The following WWOX variants were observed in gnomAD, a reference collection of about 807,000 sequenced individuals.
The protein encoded by WWOX is WW domain containing oxidoreductase, also known as WW domain-containing oxidoreductase.
Under a neutral mutation model 46.2 loss-of-function variants are expected in WWOX, and 69 were observed. The ratio of observed to expected loss-of-function variants is 1.49; its 90% CI spans 1.23 to 1.82. The LOEUF (loss-of-function observed/expected upper bound fraction) is 1.82, where lower values mean the gene tolerates loss of function less well. Among genes scored for constraint, WWOX ranks in the 40% most tolerant of loss-of-function variants. The pLI, the probability that WWOX is intolerant of heterozygous loss-of-function variation, is 0.00. For missense variants in WWOX, 919 were observed against 542.6 expected, an observed-to-expected ratio of 1.69 and a Z score of -6.89; for synonymous variants, 359 against 202.6, an observed-to-expected ratio of 1.77 and a Z score of -6.56.
intron 8 of WWOX, among the ~76,000 whole-genome samples, chr16:79,112,372 G>C (rs968332825): frequency 4.6e-5 from 7 of 152,144 alleles, no homozygotes; most frequent in South Asian, 2.1e-4. Context: ...AAGAGCCAGA[G>C]AGTTGGGGAA....
At chr16:79,008,628 T>C (rs1021710894) in intron 8 of WWOX, among the ~76,000 whole-genome samples, 15 of 152,184 alleles carry the variant, frequency 9.9e-5, no homozygotes, top group African/African-American at 1.7e-4. Context: ...CCAAAGGCCA[T>C]GGAAGGACAG....
At chr16:79,154,520 A>G (rs2050343154) in intron 8 of WWOX, among the ~76,000 whole-genome samples, 1 of 150,090 alleles carries the variant, frequency 6.7e-6, no homozygotes, top group Non-Finnish European at 1.5e-5. Flanking sequence ...AAAAAAAAAA[A>G]GAGGTGAATT....
chr16:79,178,447 G>T (rs1417201320), intron 8 of WWOX, among the ~76,000 whole-genome samples: 2 of 152,044 alleles, frequency 1.3e-5, no homozygotes, highest in Non-Finnish European at 2.9e-5. Context: ...CACCCGAGTA[G>T]CTGGATGACA....
At chr16:78,683,995 T>A (rs1441875100) in intron 8 of WWOX, among the ~76,000 whole-genome samples, 1 of 152,168 alleles carries the variant, frequency 6.6e-6, no homozygotes, top group Non-Finnish European at 1.5e-5. Context: ...ACTGTGGCGT[T>A]CTCTTTTTCT....
intron 8 of WWOX, among the ~76,000 whole-genome samples, chr16:78,508,523 T>C (rs376390516): frequency 1.9e-4 from 29 of 152,168 alleles, no homozygotes; most frequent in Middle Eastern, 3.4e-3. Flanking sequence ...GGCCTTGATG[T>C]CGGAGTGTTC....
intron 4 of WWOX, among the ~76,000 whole-genome samples, chr16:78,161,290 C>G (rs1156838456): frequency 1.3e-5 from 2 of 152,198 alleles, no homozygotes; most frequent in African/African-American, 4.8e-5. Flanking sequence ...AATGTAATGA[C>G]AGATATATTT....
intron 8 of WWOX, among the ~76,000 whole-genome samples, chr16:78,570,477 T>A (rs1321334389): frequency 6.6e-6 from 1 of 152,080 alleles, no homozygotes; most frequent in Non-Finnish European, 1.5e-5. Context: ...CCTGCCTAAT[T>A]TTTTTTAATT....
intron 8 of WWOX, among the ~76,000 whole-genome samples, chr16:78,445,895 A>C (rs1203874712): frequency 8.5e-6 from 1 of 118,068 alleles, no homozygotes; most frequent in African/African-American, 3.3e-5. Flanking sequence ...GGGGCAGGGC[A>C]GGGGAGGGGG....
intron 8 of WWOX, among the ~76,000 whole-genome samples, chr16:78,752,339 G>A (rs2049503555): frequency 1.3e-5 from 2 of 152,204 alleles, no homozygotes; most frequent in Admixed American, 1.3e-4. Flanking sequence ...CCAGGCTAGA[G>A]TACAGTGATG....
chr16:78,871,019 C>A (rs140375079), intron 8 of WWOX, among the ~76,000 whole-genome samples: 1 of 152,150 alleles, frequency 6.6e-6, no homozygotes, highest in Non-Finnish European at 1.5e-5. Flanking sequence ...ATGGTTAATT[C>A]TTCTGGGGAA....
At chr16:78,278,238 T>C (rs1249874422) in intron 5 of WWOX, among the ~76,000 whole-genome samples, 1 of 152,154 alleles carries the variant, frequency 6.6e-6, no homozygotes, top group Non-Finnish European at 1.5e-5. Flanking sequence ...TAATATCTAG[T>C]GTAATGTGAA....
intron 8 of WWOX, among the ~76,000 whole-genome samples, chr16:78,735,652 G>C (rs536112016): frequency 3.3e-5 from 5 of 152,328 alleles, no homozygotes; most frequent in African/African-American, 1.2e-4. Flanking sequence ...TCTCCCTGCT[G>C]CTGGCCTCTT....
chr16:78,663,221 C>T (rs1050791459), intron 8 of WWOX, among the ~76,000 whole-genome samples: 7 of 152,120 alleles, frequency 4.6e-5, no homozygotes, highest in East Asian at 3.9e-4. Flanking sequence ...TTACCTATTT[C>T]GGGTAATTGA....
chr16:78,402,329 TG>T (rs1316204472), intron 6 of WWOX, among the ~76,000 whole-genome samples: 1 of 152,240 alleles, frequency 6.6e-6, no homozygotes, highest in Non-Finnish European at 1.5e-5. Context: ...TTTTTATGGC[TG>T]AAAAAAATTC....
chr16:78,161,412 TTCTC>T lies in WWOX; in HGVS notation c.410-2757_410-2754del, dbSNP rs368912282. Reference sequence around the variant, plus strand: ...TCTCTTTTTTCTTTTCCTTTTTCCTTTCTCTCTCTCTCTCTCTTTCTTTCTCTTT... The same window carrying T: ...TCTCTTTTTTCTTTTCCTTTTTCCTTTCTCTCTCTCTCTTTCTTTCTCTTT... On this transcript the variant is annotated intron_variant, in intron 4 of 8. Coordinates refer to ENST00000566780, the MANE Select transcript of WWOX (RefSeq NM_016373.4). 1.8e-3 allele frequency among the ~76,000 whole-genome samples: 269 copies of T among 150,850 alleles called. 3 individuals carry two copies. Among genetic ancestry groups the T allele is most frequent in the East Asian group, 8.5e-3 (44 of 5,150 alleles).
intron 8 of WWOX, among the ~76,000 whole-genome samples, chr16:78,946,902 G>A (rs1201787306): frequency 1.3e-5 from 2 of 152,152 alleles, no homozygotes; most frequent in East Asian, 3.9e-4. Flanking sequence ...CCTTCTCAGA[G>A]TCAGTAGGAT....
At chr16:79,038,139 G>A (rs980437501) in intron 8 of WWOX, among the ~76,000 whole-genome samples, 2 of 152,014 alleles carry the variant, frequency 1.3e-5, no homozygotes, top group Non-Finnish European at 2.9e-5. Flanking sequence ...CTGTCCCCCC[G>A]TGAACCCCAG....
chr16:78,321,253 A>C (rs1425172454), intron 5 of WWOX, among the ~76,000 whole-genome samples: 1 of 149,628 alleles, frequency 6.7e-6, no homozygotes, highest in Non-Finnish European at 1.5e-5. Flanking sequence ...TGTTTAAGGC[A>C]ACACGTAGGT....
intron 8 of WWOX, among the ~76,000 whole-genome samples, chr16:79,052,687 T>C (rs2048191331): frequency 6.6e-6 from 1 of 152,194 alleles, no homozygotes; most frequent in Non-Finnish European, 1.5e-5. Context: ...CGTGTCAGGT[T>C]ATAAATGAGC....
Sources: allele counts gnomAD v4.1 joint callset (sites outside exome capture counted in the v4.1 genomes callset), GRCh38; gene constraint gnomAD v4.1.1; transcripts MANE v1.5; gene names NCBI Gene and HGNC (gene_info 2026-07-23, HGNC 2026-07-21).